The following DNAJC13 variants were observed in gnomAD, a reference collection of about 807,000 sequenced individuals.
DNAJC13 encodes the protein dnaJ homolog subfamily C member 13.
DNAJC13 carries 75 observed loss-of-function variants against 290.5 expected under a neutral mutation model. The observed-to-expected ratio is 0.26, with a 90% CI of 0.21 to 0.31. DNAJC13 has a LOEUF of 0.31. Ranked by LOEUF, DNAJC13 falls within the 10% of genes least tolerant of loss-of-function variation. The pLI is 1.00. For missense variants in DNAJC13, 2,260 were observed against 2,674.5 expected (o/e 0.85, Z 3.42); for synonymous variants, 862 against 892.0 (o/e 0.97, Z 0.60).
chr3:132,467,156 A>C lies in DNAJC13; in HGVS notation c.2065-14A>C. The C allele has an allele frequency of 1.2e-6, 2 of 1,606,848 alleles. No homozygotes were observed. Among genetic ancestry groups the C allele is most frequent in the Non-Finnish European group, 1.7e-6 (2 of 1,177,718 alleles). On this transcript the variant is annotated splice_polypyrimidine_tract_variant and intron_variant, in intron 19 of 55. Coordinates refer to ENST00000260818, the MANE Select transcript of DNAJC13 (RefSeq NM_015268.4). ...GCAAACAGGCATGTAATGGATTCCA[A>C]CATTATTTTACAGGATCAGTATGGA...
chr3:132,495,263 C>A, intron 35 of DNAJC13, 97 bp downstream of exon 35: 2 of 911,310 alleles, frequency 2.2e-6, no homozygotes, highest in Non-Finnish European at 3.5e-6. Context: ...CAGTATCTGC[C>A]TCATAATATA....
chr3:132,502,315 G>A lies in DNAJC13; in HGVS notation c.4563G>A (p.Gly1521=), dbSNP rs1381659060. ...GKSIPRVAAL[G]VECVSSFAVD... The stretch of plus-strand genomic sequence containing the variant: ...GTATTCCCCGCGTAGCTGCTCTTGG[G>A]GTAGAATGTGTCAGTTCTTTTGCTG... The change falls in exon 40 of 56, where the codon GGG becomes GGA. Residue 1521 remains glycine (G), a synonymous_variant. Coordinates refer to ENST00000260818, the MANE Select transcript of DNAJC13 (RefSeq NM_015268.4). The A allele has an allele frequency of 6.2e-7, 1 of 1,613,226 alleles. No individual in the cohort carries two copies.
chr3:132,478,511 G>T (rs1007033962), intron 24 of DNAJC13, among the ~76,000 whole-genome samples: 1 of 152,194 alleles, frequency 6.6e-6, no homozygotes, highest in African/African-American at 2.4e-5. Context: ...ACTAAATTTA[G>T]AAGTGTGAAG....
At chr3:132,450,126 A>C (rs761547624) in intron 5 of DNAJC13, among the ~76,000 whole-genome samples, 7 of 152,026 alleles carry the variant, frequency 4.6e-5, no homozygotes, top group Non-Finnish European at 1.0e-4. Flanking sequence ...TGATTAGAAA[A>C]GCCTAAGGTC....
At chr3:132,465,249 A>T (rs1500112) in intron 17 of DNAJC13, among the ~76,000 whole-genome samples, 93,587 of 151,918 alleles carry the variant, frequency 0.62, 31,677 homozygotes, top group East Asian at 0.9. Flanking sequence ...GGTTATTTGG[A>T]TATTTCCCTC....
chr3:132,497,459 G>C (rs916509146), intron 36 of DNAJC13, among the ~76,000 whole-genome samples: 1 of 151,484 alleles, frequency 6.6e-6, no homozygotes, highest in African/African-American at 2.4e-5. Flanking sequence ...TAAGCATGGA[G>C]AGTGTTGGGT....
chr3:132,508,955 A>G (rs1576509600), intron 43 of DNAJC13, among the ~76,000 whole-genome samples: 1 of 152,342 alleles, frequency 6.6e-6, no homozygotes, highest in Non-Finnish European at 1.5e-5. Flanking sequence ...CTGGTCACCC[A>G]AGAGCTCCGA....
At chr3:132,477,716 T>C (rs576015933) in intron 22 of DNAJC13, 73 bp from the exon 23 acceptor site, 1 of 1,052,866 alleles carries the variant, frequency 9.5e-7, no homozygotes, top group Non-Finnish European at 1.4e-6. Context: ...GAAAGAACTA[T>C]AAGAAACAAT....
intron 28 of DNAJC13, chr3:132,484,283 G>T (rs755768569): frequency 4.8e-6 from 2 of 419,262 alleles, no homozygotes; most frequent in South Asian, 3.9e-5. Flanking sequence ...CCCTTTGGGG[G>T]AAAATACCCA....
chr3:132,521,679 C>T (rs1013294284), intron 48 of DNAJC13, among the ~76,000 whole-genome samples: 3 of 152,162 alleles, frequency 2.0e-5, no homozygotes, highest in African/African-American at 7.2e-5. Flanking sequence ...GAGCTCATGA[C>T]CAAGAAGAAG....
chr3:132,494,315 C>A, intron 34 of DNAJC13, 56 bp downstream of exon 34: 2 of 1,260,264 alleles, frequency 1.6e-6, no homozygotes, highest in Non-Finnish European at 2.3e-6. Context: ...GTACCAGTAT[C>A]AAAGACTAAG....
Position 132,456,295 on chromosome 3 carries a change from T to G in DNAJC13, c.993T>G (p.Cys331Trp). The G allele has an allele frequency of 1.2e-6, 2 of 1,613,978 alleles. No homozygotes were observed. Among genetic ancestry groups the G allele is most frequent in the Non-Finnish European group, 1.7e-6 (2 of 1,179,874 alleles). Residue 331 changes from cysteine (C) to tryptophan (W), a missense_variant, in exon 10 of 56, where the codon TGT becomes TGG. Transcript: ENST00000260818. ...GAGCCTCTGGTAATAGAGATGTTTG[T>G]GTAAAAATGACACCAACCCATAAAG... ...GVRASGNRDV[C>W]VKMTPTHKGQ...
chr3:132,518,413 T>C (rs1041940090), intron 48 of DNAJC13, among the ~76,000 whole-genome samples: 4 of 152,194 alleles, frequency 2.6e-5, no homozygotes, highest in Non-Finnish European at 5.9e-5. Flanking sequence ...AGTGCAGTGG[T>C]GCAATCTTAG....
At chr3:132,479,897 A>C (rs886099438) in intron 25 of DNAJC13, among the ~76,000 whole-genome samples, 1 of 152,168 alleles carries the variant, frequency 6.6e-6, no homozygotes, top group African/African-American at 2.4e-5. Flanking sequence ...CAAATGTTTT[A>C]AACTGAAGTG....
chr3:132,463,643 G>T (rs2107675902), intron 16 of DNAJC13, 53 bp from the exon 17 acceptor site: 4 of 1,532,014 alleles, frequency 2.6e-6, no homozygotes, highest in East Asian at 2.3e-5. Context: ...TTAAAGTTTG[G>T]ATAGCTTGTC....
rs780034567 is a variant in DNAJC13 at position 132,538,369 on chromosome 3, C to G, written c.*87C>G. On this transcript the variant is annotated 3_prime_UTR_variant, in exon 56 of 56. Coordinates refer to ENST00000260818, the MANE Select transcript of DNAJC13 (RefSeq NM_015268.4). ...ATACGTTGAAGCAAACTCTTACTGC[C>G]TTTCTCCTGGTTTCATGACAGTGTT... The G allele has an allele frequency of 2.1e-6, 2 of 971,414 alleles. No homozygotes were observed. Among genetic ancestry groups the G allele is most frequent in the Non-Finnish European group, 3.1e-6 (2 of 640,582 alleles). The allele number at this position is 971,414 out of a possible 1,614,324, so 60.2% of individuals were successfully genotyped here. A position where few individuals can be genotyped will look rare whatever the true frequency, so the allele number is the denominator to read the frequency against.
At position 132,466,334 on chromosome 3, in the gene DNAJC13, T is replaced by A. The variant is rs745976569; in HGVS notation, c.2004T>A (p.Asp668Glu). ...TGCTGGCATACTTGGAAAGCTCAGATCTCGTACCTGAGAAGGATGCTGATC... is the reference window on the plus strand; with the variant it reads ...TGCTGGCATACTTGGAAAGCTCAGAACTCGTACCTGAGAAGGATGCTGATC... ...PGLLAYLESS[D>E]LVPEKDADRM... is the part of the protein sequence containing the mutation. Residue 668 changes from aspartate (D) to glutamate (E), a missense_variant, in exon 19 of 56, where the codon GAT (aspartate) becomes GAA (glutamate). Transcript: ENST00000260818. 1.2e-6 allele frequency: 2 copies of A among 1,600,292 alleles called. No homozygotes were observed. The highest frequency in any genetic ancestry group is 1.1e-5 in the South Asian group (1 of 87,770).
chr3:132,434,770 G>A, intron 2 of DNAJC13, 152 bp downstream of exon 2: 1 of 514,994 alleles, frequency 1.9e-6, no homozygotes, highest in Non-Finnish European at 3.2e-6. Flanking sequence ...AATGCTACAT[G>A]TATTTTTTTT....
intron 21 of DNAJC13, among the ~76,000 whole-genome samples, chr3:132,473,642 T>G (rs1934362064): frequency 6.6e-6 from 1 of 151,972 alleles, no homozygotes. Flanking sequence ...CTTCCCTCTT[T>G]TTATCTACCA....
Sources: allele counts gnomAD v4.1 joint callset (sites outside exome capture counted in the v4.1 genomes callset), GRCh38; gene constraint gnomAD v4.1.1; transcripts MANE v1.5; gene names NCBI Gene and HGNC (gene_info 2026-07-23, HGNC 2026-07-21).